The following DLGAP2 variants were observed in gnomAD, a reference collection of about 807,000 sequenced individuals.
DLGAP2 encodes the protein disks large-associated protein 2.
Under a neutral mutation model 100.3 loss-of-function variants are expected in DLGAP2, and 26 were observed. The ratio of observed to expected loss-of-function variants is 0.26; its 90% CI spans 0.19 to 0.36. The LOEUF is 0.36. DLGAP2 is among the 10% of genes least tolerant of loss of function. DLGAP2 has a pLI of 1.00. For synonymous variants in DLGAP2, 886 were observed against 630.1 expected (o/e 1.41, Z -6.08); for missense variants, 1,858 against 1,453.2 (o/e 1.28, Z -4.53).
In DLGAP2 at chr8:1,262,871, T is replaced by G. The variant is rs543574373; in HGVS notation, c.106+3988T>G. On this transcript the variant is annotated intron_variant, in intron 3 of 14. Transcript: ENST00000637795. ...CACAGGAAAATTTATGGACATTGGG[T>G]GGGGCCACAGATGTCAGTTCATGGA... Among the ~76,000 whole-genome samples, 877 of 151,672 alleles carry G rather than the reference T, an allele frequency of 5.8e-3. 8 individuals are homozygous for G. The highest frequency in any genetic ancestry group is 0.035 in the South Asian group (169 of 4,810).
At chr8:867,697 C>T (rs1797524417) in intron 1 of DLGAP2, among the ~76,000 whole-genome samples, 1 of 152,194 alleles carries the variant, frequency 6.6e-6, no homozygotes, top group African/African-American at 2.4e-5. Context: ...GTCACCTGGC[C>T]ACCTGTGCTT....
intron 8 of DLGAP2, among the ~76,000 whole-genome samples, chr8:1,657,443 A>G (rs1213965470): frequency 1.3e-5 from 2 of 152,224 alleles, no homozygotes; most frequent in African/African-American, 4.8e-5. Context: ...ACACCATCCA[A>G]CTGAATGGCT....
chr8:1,608,964 C>T lies in DLGAP2; in HGVS notation c.1443-17776C>T, dbSNP rs1033989118. Among the ~76,000 whole-genome samples, 1,415 of 152,040 alleles carry T rather than the reference C, an allele frequency of 9.3e-3. 22 individuals carry two copies. Among genetic ancestry groups the T allele is most frequent in the African/African-American group, 0.032 (1,322 of 41,470 alleles). On this transcript the variant is annotated intron_variant, in intron 6 of 14. Transcript: ENST00000637795. ...GAATGGAACCAAGTTGGAAAACACT[C>T]TACAGGATATTATCCAGGAGAACTT...
At chr8:997,557 C>G (rs906488202) in intron 2 of DLGAP2, among the ~76,000 whole-genome samples, 1 of 152,050 alleles carries the variant, frequency 6.6e-6, no homozygotes, top group East Asian at 1.9e-4. Flanking sequence ...GGATGATACT[C>G]TGTGGTATTT....
At chr8:1,177,292 C>T (rs1397959005) in intron 2 of DLGAP2, among the ~76,000 whole-genome samples, 2 of 151,922 alleles carry the variant, frequency 1.3e-5, no homozygotes, top group East Asian at 1.9e-4. Flanking sequence ...ATCTTTTCTC[C>T]GTATGTTCTT....
intron 3 of DLGAP2, among the ~76,000 whole-genome samples, chr8:1,307,084 C>A (rs1186208241): frequency 6.6e-6 from 1 of 151,936 alleles, no homozygotes; most frequent in East Asian, 1.9e-4. Context: ...ACACTTTCAG[C>A]TGAATGAAAG....
chr8:1,411,792 G>A (rs1028071565), intron 3 of DLGAP2, among the ~76,000 whole-genome samples: 7 of 152,286 alleles, frequency 4.6e-5, no homozygotes, highest in South Asian at 2.1e-4. Context: ...GGAAAGCTGC[G>A]CATGAAGTCT....
At position 954,772 on chromosome 8, in the gene DLGAP2, A is replaced by T. The variant is rs568767264; in HGVS notation, c.73+46806A>T. Reference sequence around the variant, plus strand: ...CTGGTTAGCCTGGGTGGGGAAGAAGATGGCCAGGGAGTTGTGTCCAGGAGT... The same window carrying T: ...CTGGTTAGCCTGGGTGGGGAAGAAGTTGGCCAGGGAGTTGTGTCCAGGAGT... On this transcript the variant is annotated intron_variant, in intron 2 of 14. Transcript: ENST00000637795. Among the ~76,000 whole-genome samples, 65 of 152,290 alleles carry T rather than the reference A, an allele frequency of 4.3e-4. 1 individual carries two copies. In the South Asian group the frequency reaches 0.013, roughly 30 times the overall value.
intron 2 of DLGAP2, among the ~76,000 whole-genome samples, chr8:1,224,068 G>A (rs542232828): frequency 1.3e-4 from 20 of 152,294 alleles, no homozygotes; most frequent in Non-Finnish European, 2.4e-4. Flanking sequence ...TTCTTTGAGC[G>A]TACGATATGT....
intron 1 of DLGAP2, among the ~76,000 whole-genome samples, chr8:904,475 G>A (rs1056384110): frequency 1.1e-4 from 16 of 152,148 alleles, no homozygotes; most frequent in Non-Finnish European, 1.9e-4. Context: ...AGCTGGGATC[G>A]CACCACTGCA....
intron 1 of DLGAP2, among the ~76,000 whole-genome samples, chr8:793,302 C>T (rs1795958846): frequency 6.6e-6 from 1 of 152,188 alleles, no homozygotes; most frequent in Non-Finnish European, 1.5e-5. Context: ...TCCTTTAAAA[C>T]CGCTGCCTTC....
chr8:1,182,979 G>A (rs970598087), intron 2 of DLGAP2, among the ~76,000 whole-genome samples: 1 of 152,194 alleles, frequency 6.6e-6, no homozygotes, highest in African/African-American at 2.4e-5. Flanking sequence ...GTAGACATTC[G>A]AGCGAGCTGG....
intron 2 of DLGAP2, among the ~76,000 whole-genome samples, chr8:947,564 G>C (rs1005570667): frequency 2.0e-5 from 3 of 152,186 alleles, no homozygotes; most frequent in African/African-American, 7.2e-5. Context: ...AGGTTGCCGG[G>C]CCCCTCGGTG....
chr8:999,942 C>T (rs921946316), intron 2 of DLGAP2, among the ~76,000 whole-genome samples: 2 of 148,912 alleles, frequency 1.3e-5, no homozygotes, highest in African/African-American at 4.9e-5. Flanking sequence ...TTCTTTTGCA[C>T]TGGATTTTCT....
chr8:1,274,064 C>A (rs946494078), intron 3 of DLGAP2, among the ~76,000 whole-genome samples: 4 of 152,120 alleles, frequency 2.6e-5, no homozygotes, highest in Non-Finnish European at 5.9e-5. Flanking sequence ...AGAATTCTAA[C>A]AGCGTGACGG....
At chr8:1,281,751 G>C (rs144873812) in intron 3 of DLGAP2, among the ~76,000 whole-genome samples, 1 of 152,182 alleles carries the variant, frequency 6.6e-6, no homozygotes, top group East Asian at 1.9e-4. Flanking sequence ...AGCCTTCCCC[G>C]GGGAGTCAGC....
At chr8:786,232 C>T (rs754558849) in intron 1 of DLGAP2, among the ~76,000 whole-genome samples, 16 of 152,098 alleles carry the variant, frequency 1.1e-4, no homozygotes, top group Non-Finnish European at 8.8e-5. Flanking sequence ...GCTCATGGGG[C>T]CCAGTGGTGT....
At chr8:876,659 A>T (rs893257430) in intron 1 of DLGAP2, among the ~76,000 whole-genome samples, 4 of 151,988 alleles carry the variant, frequency 2.6e-5, no homozygotes, top group African/African-American at 9.7e-5. Context: ...AGCTTCCTGG[A>T]TGTGTACATT....
intron 3 of DLGAP2, among the ~76,000 whole-genome samples, chr8:1,492,783 G>A (rs1799428399): frequency 6.6e-6 from 1 of 152,196 alleles, no homozygotes; most frequent in South Asian, 2.1e-4. Flanking sequence ...AGACCTGTGT[G>A]CTACCCATGG....
Sources: gnomAD v4.1 joint callset for allele counts (sites outside exome capture counted in the v4.1 genomes callset) on GRCh38, gnomAD v4.1.1 for gene constraint, MANE v1.5 for transcripts, NCBI Gene and HGNC (gene_info 2026-07-23, HGNC 2026-07-21) for gene names.